The following EGFR variants were observed in gnomAD, a reference collection of about 807,000 sequenced individuals.
EGFR encodes the protein avian erythroblastic leukemia viral (v-erb-b) oncogene homolog.
A neutral mutation model predicts 143.0 loss-of-function variants in EGFR; 58 were observed. That is an observed-to-expected ratio of 0.41 (90% CI 0.33 to 0.50). EGFR has a LOEUF of 0.50. EGFR is among the 20% of genes least tolerant of loss of function. The probability of loss-of-function intolerance (pLI) is 0.39; values close to 1 mark genes in which losing one functional copy is unlikely to be tolerated. For missense variants in EGFR, 1,307 were observed against 1,579.0 expected (o/e 0.83, Z 2.92); for synonymous variants, 613 against 594.4 (o/e 1.03, Z -0.45).
rs146795390 is a variant in EGFR, at chr7:55,191,776, G to A, written c.2527G>A (p.Val843Ile). The A allele has an allele frequency of 3.7e-6, 6 of 1,613,922 alleles. No individual in the cohort carries two copies. The highest frequency in any genetic ancestry group is 2.2e-5 in the East Asian group (1 of 44,874). Residue 843 changes from valine to isoleucine, a missense_variant, in exon 21 of 28, where the codon GTA becomes ATA. Val to Ile is a conservative substitution (Grantham distance 29). Transcript: ENST00000275493. ...GCACCGCGACCTGGCAGCCAGGAAC[G>A]TACTGGTGAAAACACCGCAGCATGT... ...LVHRDLAARN[V>I]LVKTPQHVKI... is the part of the protein sequence containing the mutation.
intron 1 of EGFR, among the ~76,000 whole-genome samples, chr7:55,099,778 A>C (rs1178914087): frequency 6.6e-6 from 1 of 152,104 alleles, no homozygotes; most frequent in African/African-American, 2.4e-5. Context: ...TGGATTTCAC[A>C]ATCACTTCCA....
At chr7:55,091,893 C>CT (rs369251466) in intron 1 of EGFR, among the ~76,000 whole-genome samples, 107 of 144,086 alleles carry the variant, frequency 7.4e-4, no homozygotes, top group African/African-American at 2.6e-3. Flanking sequence ...CACACACACC[C>CT]TGAGAGAGAG....
At chr7:55,172,656 T>A (rs1786404259) in intron 16 of EGFR, among the ~76,000 whole-genome samples, 1 of 152,238 alleles carries the variant, frequency 6.6e-6, no homozygotes, top group South Asian at 2.1e-4. Flanking sequence ...TGAAAAAGCA[T>A]TATTGAAGTC....
chr7:55,194,376 A>G (rs533478355), intron 22 of EGFR, among the ~76,000 whole-genome samples: 14 of 151,900 alleles, frequency 9.2e-5, no homozygotes, highest in Middle Eastern at 3.4e-3. Context: ...ACAGGCGCAC[A>G]CCACCATGCC....
At chr7:55,058,532 A>G (rs551665093) in intron 1 of EGFR, among the ~76,000 whole-genome samples, 2 of 152,358 alleles carry the variant, frequency 1.3e-5, no homozygotes, top group East Asian at 3.9e-4. Flanking sequence ...CAGCCATAAA[A>G]AAGAACAAGA....
intron 1 of EGFR, among the ~76,000 whole-genome samples, chr7:55,129,021 G>T (rs1252602855): frequency 6.6e-6 from 1 of 152,078 alleles, no homozygotes; most frequent in Non-Finnish European, 1.5e-5. Context: ...TCTTTTTATT[G>T]CTTGCTAATT....
At chr7:55,083,330 T>A (rs1201582445) in intron 1 of EGFR, among the ~76,000 whole-genome samples, 1 of 152,260 alleles carries the variant, frequency 6.6e-6, no homozygotes, top group Non-Finnish European at 1.5e-5. Flanking sequence ...TCATGTTCAC[T>A]TCCTTGGTAT....
intron 1 of EGFR, among the ~76,000 whole-genome samples, chr7:55,118,849 G>A (rs531725469): frequency 1.4e-3 from 206 of 152,196 alleles, no homozygotes; most frequent in Middle Eastern, 3.4e-3. Context: ...CCCATTCAGT[G>A]TTTTCTCAGT....
At chr7:55,054,929 C>G (rs1216159943) in intron 1 of EGFR, among the ~76,000 whole-genome samples, 1 of 152,212 alleles carries the variant, frequency 6.6e-6, no homozygotes, top group Admixed American at 6.5e-5. Context: ...ATTTGCAGGC[C>G]CTAGAACCAC....
At chr7:55,117,838 G>A (rs1792963857) in intron 1 of EGFR, among the ~76,000 whole-genome samples, 1 of 152,174 alleles carries the variant, frequency 6.6e-6, no homozygotes. Flanking sequence ...TCAGAAGTTT[G>A]AAAAGGCTAG....
chr7:55,166,964 A>ATGG (rs1786054027), intron 15 of EGFR, among the ~76,000 whole-genome samples: 4 of 130,144 alleles, frequency 3.1e-5, no homozygotes, highest in East Asian at 3.0e-4. Context: ...GGGAGTCACA[A>ATGG]TGGTGGTGAT....
chr7:55,053,233 T>C (rs73133466), intron 1 of EGFR, among the ~76,000 whole-genome samples: 5,976 of 152,314 alleles, frequency 0.039, 164 homozygotes, highest in Non-Finnish European at 0.057. Context: ...CTGTGGTTTC[T>C]TGACGTGCTT....
At chr7:55,081,101 C>T (rs1162033878) in intron 1 of EGFR, among the ~76,000 whole-genome samples, 1 of 152,236 alleles carries the variant, frequency 6.6e-6, no homozygotes, top group Non-Finnish European at 1.5e-5. Flanking sequence ...TTTTGTCAAA[C>T]ATTTTCCCAG....
At chr7:55,058,661 C>T (rs141867144) in intron 1 of EGFR, among the ~76,000 whole-genome samples, 32 of 152,130 alleles carry the variant, frequency 2.1e-4, no homozygotes, top group African/African-American at 7.5e-4. Flanking sequence ...ATGATGAGAA[C>T]ACAAGGATAC....
rs746395542 is a variant in EGFR at position 55,165,355 on chromosome 7, A to G, written c.1798A>G (p.Met600Val). 1.9e-6 allele frequency: 3 copies of G among 1,614,072 alleles called. No homozygotes were observed. The highest frequency in any genetic ancestry group is 1.3e-5 in the African/African-American group (1 of 74,940). Residue 600 changes from methionine to valine, a missense_variant, in exon 15 of 28, where the codon ATG (methionine) becomes GTG (valine). Coordinates refer to ENST00000275493, the MANE Select transcript of EGFR (RefSeq NM_005228.5). ...CGTCAAGACCTGCCCGGCAGGAGTC[A>G]TGGGAGAAAACAACACCCTGGTCTG... ...HCVKTCPAGV[M>V]GENNTLVWKY...
intron 25 of EGFR, 31 bp from the exon 26 acceptor site, chr7:55,201,704 T>C: frequency 6.2e-7 from 1 of 1,614,084 alleles, no homozygotes; most frequent in African/African-American, 1.3e-5. Flanking sequence ...GTACAAGCAT[T>C]CCATGGGCAA....
intron 15 of EGFR, among the ~76,000 whole-genome samples, chr7:55,167,194 C>T (rs111556257): frequency 3.6e-5 from 3 of 83,526 alleles, no homozygotes; most frequent in African/African-American, 1.6e-4. Flanking sequence ...ACAGTGGTGA[C>T]GAGGCGGGAG....
chr7:55,061,647 T>TGAGAGAGAGAGA (rs760516597), intron 1 of EGFR, among the ~76,000 whole-genome samples: 1 of 99,614 alleles, frequency 1.0e-5, no homozygotes, highest in African/African-American at 3.7e-5. Flanking sequence ...TGTGTGTGTG[T>TGAGAGAGAGAGA]GTGAGAGAGA....
chr7:55,139,097 A>G (rs1420852837), intron 1 of EGFR, among the ~76,000 whole-genome samples: 2 of 152,196 alleles, frequency 1.3e-5, no homozygotes, highest in African/African-American at 4.8e-5. Context: ...ACACTGTTGC[A>G]TTGGTGATTA....
Sources: allele counts gnomAD v4.1 joint callset (sites outside exome capture counted in the v4.1 genomes callset), GRCh38; gene constraint gnomAD v4.1.1; transcripts MANE v1.5; gene names NCBI Gene and HGNC (gene_info 2026-07-23, HGNC 2026-07-21).